FAM199X: variants seen among roughly 807,000 people sequenced by gnomAD.
The protein encoded by FAM199X is protein FAM199X.
In FAM199X, 4 loss-of-function variants were observed where a neutral mutation model predicts 22.9. That is an observed-to-expected ratio of 0.17 (90% CI 0.09 to 0.40). The LOEUF is 0.40. Among genes scored for constraint, FAM199X ranks in the 10% least tolerant of loss-of-function variants. The pLI is 1.00. For synonymous variants in FAM199X, 101 were observed against 112.3 expected (o/e 0.90, Z 0.64); for missense variants, 183 against 306.8 (o/e 0.60, Z 3.01).
upstream of FAM199X, among the ~76,000 whole-genome samples, chrX:104,163,175 G>T (rs1485243563): frequency 3.6e-5 from 4 of 109,913 alleles, no homozygotes; most frequent in Non-Finnish European, 7.6e-5. Flanking sequence ...AATTATAAGG[G>T]TTAGATCACC....
Position 104,190,883 on chromosome X carries a change from T to C in FAM199X, c.*1105T>C, listed in dbSNP as rs1556380236. The C allele has an allele frequency of 8.9e-6, 1 of 112,039 alleles. No individual in the cohort carries two copies. The highest frequency in any genetic ancestry group is 1.9e-5 in the Non-Finnish European group (1 of 53,199). The allele number at this position is 112,039 out of a possible 1,213,427, so 9.2% of individuals were successfully genotyped here. ...TTAGCTTGTTGGTTATTAATAGAGCTCTAATTTTAACTGTGAAATCATGGA... is the reference window on the plus strand; with the variant it reads ...TTAGCTTGTTGGTTATTAATAGAGCCCTAATTTTAACTGTGAAATCATGGA... On this transcript the variant is annotated 3_prime_UTR_variant, in exon 6 of 6. Coordinates refer to ENST00000493442, the MANE Select transcript of FAM199X (RefSeq NM_207318.4).
At position 104,195,661 on chromosome X, in the gene FAM199X, C is replaced by T. The variant is rs1413534203; in HGVS notation, c.*5883C>T. 6 of 111,212 alleles carry T rather than the reference C, an allele frequency of 5.4e-5. No individual in the cohort carries two copies. Among genetic ancestry groups the T allele is most frequent in the Non-Finnish European group, 1.1e-4 (6 of 52,998 alleles). 9.2% of individuals were successfully genotyped at this position (111,212 alleles called of 1,213,427 possible). A position where few individuals can be genotyped will look rare whatever the true frequency, so the allele number is the denominator to read the frequency against. ...GAGCAATTCAGCTTTTCAGCAGCAACTTTATCTTTTGCCACTAGAGGGAGA... is the reference window on the plus strand; with the variant it reads ...GAGCAATTCAGCTTTTCAGCAGCAATTTTATCTTTTGCCACTAGAGGGAGA... On this transcript the variant is annotated 3_prime_UTR_variant, in exon 6 of 6. Coordinates refer to ENST00000493442, the MANE Select transcript of FAM199X (RefSeq NM_207318.4).
chrX:104,181,400 A>G (rs1921648661), intron 2 of FAM199X, among the ~76,000 whole-genome samples: 1 of 112,059 alleles, frequency 8.9e-6, no homozygotes, highest in Admixed American at 9.5e-5. Context: ...CCGCTAGTCT[A>G]ATCCCGTATC....
rs1055189317 is a variant in FAM199X, at chrX:104,183,950, A to T, written c.418-2116A>T. On this transcript the variant is annotated intron_variant, in intron 2 of 5. Coordinates refer to ENST00000493442, the MANE Select transcript of FAM199X (RefSeq NM_207318.4). ...CATCATAGTCATCTTTTGCATAGTGATTGACTCCTATCTTTGTGGTTTCAT... is the reference window on the plus strand; with the variant it reads ...CATCATAGTCATCTTTTGCATAGTGTTTGACTCCTATCTTTGTGGTTTCAT... 6.3e-5 allele frequency among the ~76,000 whole-genome samples: 7 copies of T among 111,561 alleles called. No individual in the cohort carries two copies. In the Admixed American group the frequency reaches 6.7e-4, roughly 11 times the overall value.
chrX:104,188,028 G>A lies in FAM199X; in HGVS notation c.730-12G>A. 8.3e-7 allele frequency: 1 copy of A among 1,206,987 alleles called. No individual in the cohort carries two copies. Among genetic ancestry groups the A allele is most frequent in the Non-Finnish European group, 1.1e-6 (1 of 891,511 alleles). ...GTGCAACACTAACCAGTTTGTGTTT[G>A]TGCATCCCAAGGTCAGAAACTATAT... On this transcript the variant is annotated splice_polypyrimidine_tract_variant and intron_variant, in intron 4 of 5. Coordinates refer to ENST00000493442, the MANE Select transcript of FAM199X (RefSeq NM_207318.4).
In FAM199X at chrX:104,190,445, A is replaced by G. The variant is rs1042347291; in HGVS notation, c.*667A>G. On this transcript the variant is annotated 3_prime_UTR_variant, in exon 6 of 6. Transcript: ENST00000493442. Reference sequence around the variant, plus strand: ...TAGAACAGGCCCTTATCTTTTTCCTATTAGATTTATTTTTGTTTTTTACTT... The same window carrying G: ...TAGAACAGGCCCTTATCTTTTTCCTGTTAGATTTATTTTTGTTTTTTACTT... 1.3e-4 allele frequency: 14 copies of G among 111,292 alleles called. No individual in the cohort carries two copies. Among genetic ancestry groups the G allele is most frequent in the African/African-American group, 3.6e-4 (11 of 30,630 alleles). The allele number at this position is 111,292 out of a possible 1,213,427, so 9.2% of individuals were successfully genotyped here. A position where few individuals can be genotyped will look rare whatever the true frequency, so the allele number is the denominator to read the frequency against.
Position 104,186,167 on chromosome X carries a change from C to A in FAM199X, c.519C>A (p.His173Gln). The change falls in exon 3 of 6, where the codon CAC becomes CAA. Residue 173 changes from histidine (H) to glutamine (Q), a missense_variant. Around this residue, in one of 2 missense-constraint regions of FAM199X, gnomAD observed 128 missense variants for 246.2 expected, o/e 0.52. Coordinates refer to ENST00000493442, the MANE Select transcript of FAM199X (RefSeq NM_207318.4). ...TGCTTCCTAAAAAGAAAAACAAGCACCGGAATTTAGATGAACTCCCTTGGA... is the reference window on the plus strand; with the variant it reads ...TGCTTCCTAAAAAGAAAAACAAGCAACGGAATTTAGATGAACTCCCTTGGA... The part of the protein sequence containing the change: ...PCLLPKKKNK[H>Q]RNLDELPWSA... 8.3e-7 allele frequency: 1 copy of A among 1,210,670 alleles called. No individual in the cohort carries two copies. The highest frequency in any genetic ancestry group is 1.1e-6 in the Non-Finnish European group (1 of 895,194).
chrX:104,169,933 A>T (rs1297264596), intron 1 of FAM199X, among the ~76,000 whole-genome samples: 1 of 112,192 alleles, frequency 8.9e-6, no homozygotes, highest in Non-Finnish European at 1.9e-5. Context: ...TCAGTAGAAA[A>T]TACATTACAT....
At chrX:104,173,708 G>A (rs782222883) in intron 1 of FAM199X, among the ~76,000 whole-genome samples, 40 of 111,356 alleles carry the variant, frequency 3.6e-4, no homozygotes, top group Non-Finnish European at 7.5e-5. Flanking sequence ...CTATGCTACT[G>A]GCAAAGCAAT....
At chrX:104,163,095 TACACACACACACACACACAC>T (rs35140355), upstream of FAM199X, among the ~76,000 whole-genome samples, 642 of 95,425 alleles carry the variant, frequency 6.7e-3, 6 homozygotes, top group African/African-American at 0.023. Flanking sequence ...CTCAGCTAAA[TACACACACACACACACACAC>T]ACACACACAC....
intron 3 of FAM199X, 92 bp downstream of exon 3, chrX:104,186,307 G>A: frequency 1.8e-6 from 2 of 1,092,914 alleles, no homozygotes; most frequent in Non-Finnish European, 2.4e-6. Context: ...GGGGAAATGT[G>A]GATTGCTTAG....
intron 2 of FAM199X, among the ~76,000 whole-genome samples, chrX:104,185,643 T>A (rs1390329810): frequency 1.8e-5 from 2 of 111,244 alleles, no homozygotes; most frequent in African/African-American, 6.6e-5. Flanking sequence ...GGAGTCTGAC[T>A]ATCTCCCAGG....
At chrX:104,172,419 CA>C (rs1252810147) in intron 1 of FAM199X, among the ~76,000 whole-genome samples, 122 of 87,277 alleles carry the variant, frequency 1.4e-3, no homozygotes, top group Middle Eastern at 5.8e-3. Flanking sequence ...GACCCTGACT[CA>C]AAAAAAAAAA....
At chrX:104,169,747 T>C (rs1225811204) in intron 1 of FAM199X, among the ~76,000 whole-genome samples, 3 of 111,859 alleles carry the variant, frequency 2.7e-5, no homozygotes, top group African/African-American at 9.8e-5. Context: ...TTTATATTTT[T>C]AGTAGAGACA....
At chrX:104,181,559 C>A (rs1204293313) in intron 2 of FAM199X, among the ~76,000 whole-genome samples, 1 of 112,267 alleles carries the variant, frequency 8.9e-6, no homozygotes, top group Non-Finnish European at 1.9e-5. Flanking sequence ...ACATGTCTTA[C>A]AACTTACTGA....
Position 104,188,230 on chromosome X carries a change from C to G in FAM199X, c.920C>G (p.Ser307Cys). 1 of 1,212,148 alleles carries G rather than the reference C, an allele frequency of 8.2e-7. No homozygotes were observed. Among genetic ancestry groups the G allele is most frequent in the Non-Finnish European group, 1.1e-6 (1 of 895,520 alleles). ...GSSVGNSASN[S>C]SANMSRAHSD... ...AGTGTTGGAAACTCTGCTTCAAACT[C>G]CAGTGCCAACATGAGTCGAGCACAC... The change falls in exon 5 of 6, where the codon TCC (serine) becomes TGC (cysteine). Residue 307 changes from serine (S) to cysteine (C), a missense_variant. Physicochemically the swap from Ser to Cys is moderately radical, Grantham distance 112. This residue lies in a region of FAM199X where 128 missense variants were observed against 246.2 expected (regional missense o/e 0.52). Transcript: ENST00000493442.
chrX:104,189,479 A>G (rs56179401), intron 5 of FAM199X, 129 bp from the exon 6 acceptor site: 64 of 653,509 alleles, frequency 9.8e-5, no homozygotes, highest in Non-Finnish European at 1.3e-4. Context: ...TATTGGAACA[A>G]GGATCATACT....
intron 1 of FAM199X, among the ~76,000 whole-genome samples, chrX:104,168,556 G>A (rs928773154): frequency 9.8e-5 from 11 of 112,133 alleles, no homozygotes; most frequent in African/African-American, 2.9e-4. Context: ...TGCAGCCTTG[G>A]AGCAAGTCAC....
chrX:104,182,996 G>C (rs1921701740), intron 2 of FAM199X, among the ~76,000 whole-genome samples: 1 of 110,018 alleles, frequency 9.1e-6, no homozygotes, highest in African/African-American at 3.3e-5. Flanking sequence ...TGAACTCTGG[G>C]ATCTTTTTAC....
Sources: allele counts gnomAD v4.1 joint callset (sites outside exome capture counted in the v4.1 genomes callset), GRCh38; gene constraint gnomAD v4.1.1; regional missense constraint gnomAD v4.1.1; transcripts MANE v1.5; gene names NCBI Gene and HGNC (gene_info 2026-07-23, HGNC 2026-07-21).